Variants in ADARB1 observed in about 807,000 individuals in gnomAD.
ADARB1 encodes the protein adenosine deaminase RNA specific B1.
In ADARB1, 10 loss-of-function variants were observed where a neutral mutation model predicts 52.4. That is an observed-to-expected ratio of 0.19 (90% CI 0.12 to 0.32). The LOEUF (loss-of-function observed/expected upper bound fraction) is 0.32, where lower values mean the gene tolerates loss of function less well. Among genes scored for constraint, ADARB1 ranks in the 10% least tolerant of loss-of-function variants. The pLI, the probability that ADARB1 is intolerant of heterozygous loss-of-function variation, is 1.00. For missense variants in ADARB1, 643 were observed against 922.3 expected, an observed-to-expected ratio of 0.70 and a Z score of 3.92; for synonymous variants, 349 against 371.1, an observed-to-expected ratio of 0.94 and a Z score of 0.68.
chr21:45,076,440 T>G (rs556723705), intron 1 of ADARB1, among the ~76,000 whole-genome samples: 4 of 152,230 alleles, frequency 2.6e-5, no homozygotes, highest in Non-Finnish European at 4.4e-5. Flanking sequence ...GTTAGATGTC[T>G]GAGGGTTCCT....
chr21:45,146,203 G>A (rs1017237410), intron 2 of ADARB1: 14 of 152,024 alleles, frequency 9.2e-5, no homozygotes, highest in East Asian at 5.8e-4. Flanking sequence ...TTATGGTTTC[G>A]GACGCACCTG....
chr21:45,180,584 C>T, intron 5 of ADARB1, 140 bp downstream of exon 5: 1 of 737,840 alleles, frequency 1.4e-6, no homozygotes, highest in South Asian at 1.7e-5. Flanking sequence ...CTGCCATATG[C>T]AAGTTTACGA....
chr21:45,223,491 G>A lies in ADARB1; in HGVS notation c.*1294G>A. The stretch of plus-strand genomic sequence containing the variant: ...AGAGATTTGCACCAGGTGCCTTGTT[G>A]CCTCCGCTCAGGATGAAAGAGGAGC... On this transcript the variant is annotated 3_prime_UTR_variant, in exon 11 of 11. Transcript: ENST00000348831. 1 of 985,642 alleles carries A rather than the reference G, an allele frequency of 1.0e-6. No homozygotes were observed. The highest frequency in any genetic ancestry group is 1.2e-6 in the Non-Finnish European group (1 of 830,090). 61.1% of individuals were successfully genotyped at this position (985,642 alleles called of 1,614,324 possible).
intron 3 of ADARB1, among the ~76,000 whole-genome samples, chr21:45,175,516 A>G (rs2091655721): frequency 6.6e-6 from 1 of 152,240 alleles, no homozygotes. Flanking sequence ...TAGAAATGGT[A>G]TTAGTCACTA....
chr21:45,208,622 G>A lies in ADARB1; in HGVS notation c.1747+3886G>A, dbSNP rs1807712764. On this transcript the variant is annotated intron_variant, in intron 9 of 10. Transcript: ENST00000348831. The surrounding 1 kb of genome is among the most constrained non-coding windows in gnomAD (Gnocchi z 5.6). ...GTGTGGAAAGTGTGTGTGTGTATGT[G>A]TGCGTGTGTGTGTGTGTGAGTGCAT... Among the ~76,000 whole-genome samples, 2 of 152,056 alleles carry A rather than the reference G, an allele frequency of 1.3e-5. No homozygotes were observed. The highest frequency in any genetic ancestry group is 1.3e-4 in the Admixed American group (2 of 15,280).
At chr21:45,174,472 G>C (rs1470427045) in intron 3 of ADARB1, among the ~76,000 whole-genome samples, 1 of 152,172 alleles carries the variant, frequency 6.6e-6, no homozygotes, top group Non-Finnish European at 1.5e-5. Flanking sequence ...GGAGGCCAAG[G>C]CAGGCGGATC....
At position 45,172,127 on chromosome 21, in the gene ADARB1, G is replaced by A. The variant is rs867969260; in HGVS notation, c.28+443G>A. Among the ~76,000 whole-genome samples, 2 of 152,182 alleles carry A rather than the reference G, an allele frequency of 1.3e-5. No individual in the cohort carries two copies. Among genetic ancestry groups the A allele is most frequent in the Admixed American group, 6.5e-5 (1 of 15,290 alleles). ...TTCTCGCTGCATTTTGAAGGAAGGG[G>A]ATTCACACGTGTCTGTTGATCTAAA... On this transcript the variant is annotated intron_variant, in intron 3 of 10. Coordinates refer to ENST00000348831, the MANE Select transcript of ADARB1 (RefSeq NM_001112.4). The surrounding 1 kb of genome is among the most constrained non-coding windows in gnomAD (Gnocchi z 4.4).
intron 9 of ADARB1, among the ~76,000 whole-genome samples, chr21:45,214,240 A>G (rs1023925221): frequency 6.6e-6 from 1 of 152,164 alleles, no homozygotes; most frequent in African/African-American, 2.4e-5. Context: ...TTAACATCTT[A>G]TTACTGGGTT....
In ADARB1 at chr21:45,171,598, ACTGT is replaced by A. The variant is rs745651588; in HGVS notation, c.-47-9_-47-6del. 17 of 1,538,892 alleles carry A rather than the reference ACTGT, an allele frequency of 1.1e-5. No individual in the cohort carries two copies. In the East Asian group the frequency reaches 3.6e-4, roughly 33 times the overall value. On this transcript the variant is annotated splice_polypyrimidine_tract_variant and splice_region_variant and intron_variant, in intron 2 of 10. Transcript: ENST00000348831. Reference sequence around the variant, plus strand: ...TAGGCACACTAAATGCTATTTTCTTACTGTCTTTCAGACAGAAACAGTCTCCGCC... The same window carrying A: ...TAGGCACACTAAATGCTATTTTCTTACTTTCAGACAGAAACAGTCTCCGCC...
chr21:45,134,615 T>G, intron 2 of ADARB1: 2 of 390,484 alleles, frequency 5.1e-6, no homozygotes, highest in South Asian at 1.9e-5. Context: ...TCAGGGTCCA[T>G]AGTACATGAA....
intron 9 of ADARB1, among the ~76,000 whole-genome samples, chr21:45,218,974 G>A (rs1345770199): frequency 2.6e-5 from 4 of 152,160 alleles, no homozygotes; most frequent in Non-Finnish European, 2.9e-5. Context: ...ATATATAAAT[G>A]CAGATACATG....
chr21:45,076,217 C>G (rs1311918512), intron 1 of ADARB1, among the ~76,000 whole-genome samples: 1 of 152,238 alleles, frequency 6.6e-6, no homozygotes, highest in Non-Finnish European at 1.5e-5. Context: ...AAAAGCTTGG[C>G]TGATACAGTT....
At chr21:45,113,771 T>A (rs2087680514) in intron 1 of ADARB1, among the ~76,000 whole-genome samples, 1 of 152,082 alleles carries the variant, frequency 6.6e-6, no homozygotes, top group African/African-American at 2.4e-5. Flanking sequence ...TTACAATGAA[T>A]GAACACAGCT....
chr21:45,076,643 T>C (rs1212037106), intron 1 of ADARB1, among the ~76,000 whole-genome samples: 1 of 152,228 alleles, frequency 6.6e-6, no homozygotes, highest in Non-Finnish European at 1.5e-5. Context: ...GGATTAGCTA[T>C]GAAGTGATAA....
intron 2 of ADARB1, among the ~76,000 whole-genome samples, chr21:45,149,148 C>T (rs2090155142): frequency 6.6e-6 from 1 of 152,256 alleles, no homozygotes; most frequent in Non-Finnish European, 1.5e-5. Context: ...ATGCATCAGC[C>T]TCTGCTGGCT....
At chr21:45,144,179 T>C (rs976971822) in intron 2 of ADARB1, among the ~76,000 whole-genome samples, 1 of 152,256 alleles carries the variant, frequency 6.6e-6, no homozygotes, top group Non-Finnish European at 1.5e-5. Context: ...ATGTAAATAA[T>C]GAGTAAATTA....
At chr21:45,215,605 C>T (rs1362716234) in intron 9 of ADARB1, among the ~76,000 whole-genome samples, 1 of 151,882 alleles carries the variant, frequency 6.6e-6, no homozygotes, top group African/African-American at 2.4e-5. Flanking sequence ...GAAACAACAA[C>T]AACAAAAAAT....
chr21:45,181,564 T>C (rs1265001120), intron 5 of ADARB1: 1 of 152,646 alleles, frequency 6.6e-6, no homozygotes, highest in Non-Finnish European at 1.5e-5. Context: ...GAGCTGGTCA[T>C]GTTCTTTCAT....
intron 2 of ADARB1, among the ~76,000 whole-genome samples, chr21:45,132,914 G>A (rs2089043120): frequency 6.6e-6 from 1 of 152,184 alleles, no homozygotes; most frequent in Admixed American, 6.5e-5. Flanking sequence ...TTCTTTGAGC[G>A]CACATTAGAA....
Sources: allele counts gnomAD v4.1 joint callset (sites outside exome capture counted in the v4.1 genomes callset), GRCh38; gene constraint gnomAD v4.1.1; non-coding constraint Gnocchi (gnomAD v3.1); transcripts MANE v1.5; gene names NCBI Gene and HGNC (gene_info 2026-07-23, HGNC 2026-07-21).